Variants in STAG1 observed in about 807,000 individuals in gnomAD.
STAG1 encodes the protein STAG1 cohesin complex component, also known as cohesin subunit SA-1.
Under a neutral mutation model 170.9 loss-of-function variants are expected in STAG1, and 26 were observed. That is an observed-to-expected ratio of 0.15 (90% CI 0.11 to 0.21). The LOEUF (loss-of-function observed/expected upper bound fraction) is 0.21, where lower values mean the gene tolerates loss of function less well. Among genes scored for constraint, STAG1 ranks in the 10% least tolerant of loss-of-function variants. The pLI is 1.00. For missense variants in STAG1, 964 were observed against 1,509.5 expected (o/e 0.64, Z 5.99); for synonymous variants, 514 against 497.7 (o/e 1.03, Z -0.44).
chr3:136,434,151 A>G (rs2088388904), intron 15 of STAG1, among the ~76,000 whole-genome samples: 1 of 152,152 alleles, frequency 6.6e-6, no homozygotes, highest in Non-Finnish European at 1.5e-5. Context: ...GACACTGAAC[A>G]ATGCTTCAAT....
At chr3:136,589,396 T>C (rs1938028601) in intron 4 of STAG1, among the ~76,000 whole-genome samples, 1 of 151,892 alleles carries the variant, frequency 6.6e-6, no homozygotes, top group South Asian at 2.1e-4. Context: ...TCCCAGCTAC[T>C]TGGGAGGCTA....
intron 1 of STAG1, among the ~76,000 whole-genome samples, chr3:136,715,470 A>C (rs1943515661): frequency 6.6e-6 from 1 of 151,976 alleles, no homozygotes; most frequent in Non-Finnish European, 1.5e-5. Context: ...AATACAAAAA[A>C]TTAGCCAGGC....
At chr3:136,442,153 G>A (rs567645691) in intron 15 of STAG1, among the ~76,000 whole-genome samples, 1 of 152,298 alleles carries the variant, frequency 6.6e-6, no homozygotes, top group Non-Finnish European at 1.5e-5. Context: ...AGCTGAGAAT[G>A]CGCCACTGCA....
chr3:136,460,844 C>T (rs2089253994), intron 13 of STAG1, among the ~76,000 whole-genome samples: 1 of 152,056 alleles, frequency 6.6e-6, no homozygotes, highest in Non-Finnish European at 1.5e-5. Flanking sequence ...CACCCTGATG[C>T]CAAAACCAGA....
chr3:136,474,717 G>T (rs533481787), intron 10 of STAG1, among the ~76,000 whole-genome samples: 3 of 152,208 alleles, frequency 2.0e-5, no homozygotes, highest in Non-Finnish European at 2.9e-5. Context: ...GCACACAAGC[G>T]AAAGCTGAAG....
chr3:136,595,783 T>C (rs1161618438), intron 4 of STAG1, among the ~76,000 whole-genome samples: 3 of 150,880 alleles, frequency 2.0e-5, no homozygotes, highest in Non-Finnish European at 4.4e-5. Flanking sequence ...AAGCCTTTGG[T>C]CTGATTCCAG....
At position 136,422,544 on chromosome 3, in the gene STAG1, C is replaced by A; in HGVS notation, c.1903G>T (p.Ala635Ser). Residue 635 changes from alanine to serine, a missense_variant, in exon 19 of 34, where the codon GCC becomes TCC. This residue lies in a region of STAG1 where 232 missense variants were observed against 313.0 expected (regional missense o/e 0.74). Transcript: ENST00000383202. The part of the protein sequence containing the change: ...EKHVESDVLE[A>S]CSKTYSILCS... ...AAGATACTATAGGTTTTACTGCAGGCTTCTAGAACATCTGATTCTACGTGT... is the reference window on the plus strand; with the variant it reads ...AAGATACTATAGGTTTTACTGCAGGATTCTAGAACATCTGATTCTACGTGT... The A allele has an allele frequency of 6.2e-7, 1 of 1,613,998 alleles. No homozygotes were observed. The highest frequency in any genetic ancestry group is 8.5e-7 in the Non-Finnish European group (1 of 1,179,964).
intron 22 of STAG1, among the ~76,000 whole-genome samples, chr3:136,398,049 C>A (rs901570340): frequency 6.6e-6 from 1 of 151,594 alleles, no homozygotes; most frequent in Non-Finnish European, 1.5e-5. Context: ...TGGGTTCAAG[C>A]GATTCTCCTG....
intron 15 of STAG1, among the ~76,000 whole-genome samples, chr3:136,439,394 A>G (rs1418582753): frequency 2.2e-5 from 2 of 90,666 alleles, no homozygotes; most frequent in Admixed American, 2.0e-4. Flanking sequence ...CCCCCGACAC[A>G]CACACACACA....
At chr3:136,501,379 G>A (rs923665258) in intron 8 of STAG1, among the ~76,000 whole-genome samples, 5 of 152,176 alleles carry the variant, frequency 3.3e-5, no homozygotes, top group Non-Finnish European at 7.4e-5. Flanking sequence ...GACTGTGGCA[G>A]ATTTAATTCA....
intron 21 of STAG1, among the ~76,000 whole-genome samples, chr3:136,416,276 G>C (rs1275928922): frequency 6.6e-6 from 1 of 152,158 alleles, no homozygotes; most frequent in African/African-American, 2.4e-5. Context: ...AAAGTGCTGG[G>C]ATTACAGGTG....
chr3:136,657,177 G>GTTTCTTTC (rs1408750234), intron 1 of STAG1, among the ~76,000 whole-genome samples: 1 of 116,030 alleles, frequency 8.6e-6, no homozygotes, highest in African/African-American at 3.5e-5. Context: ...TCTCCTACAC[G>GTTTCTTTC]TTTCTTTCTT....
chr3:136,554,786 T>C (rs1272584569), intron 5 of STAG1, among the ~76,000 whole-genome samples: 2 of 152,042 alleles, frequency 1.3e-5, no homozygotes, highest in Non-Finnish European at 2.9e-5. Flanking sequence ...TCCCAGCTAC[T>C]TGGGAAGCTG....
intron 22 of STAG1, among the ~76,000 whole-genome samples, chr3:136,381,329 G>C (rs887041071): frequency 6.6e-6 from 1 of 152,076 alleles, no homozygotes. Context: ...ACAAAGAAGA[G>C]CTTATGAAGA....
chr3:136,569,252 A>C (rs1291106301), intron 4 of STAG1, among the ~76,000 whole-genome samples: 5 of 152,084 alleles, frequency 3.3e-5, no homozygotes, highest in African/African-American at 1.2e-4. Context: ...GCATAAAAAG[A>C]ATGCAAATAA....
chr3:136,399,836 C>T (rs1411250946), intron 21 of STAG1, among the ~76,000 whole-genome samples: 1 of 152,034 alleles, frequency 6.6e-6, no homozygotes, highest in Non-Finnish European at 1.5e-5. Flanking sequence ...ATATTAGAAA[C>T]TAAAACTAAG....
rs144592175 is a variant in STAG1 at position 136,502,275 on chromosome 3, C to A, written c.828+353G>T. 8.2e-4 allele frequency among the ~76,000 whole-genome samples: 125 copies of A among 151,796 alleles called. 1 individual carries two copies. The South Asian group carries it at 0.013, about 16-fold the overall frequency. ...TTATTCATAGGAGTGCCTTATATAC[C>A]AGCTAGTATGTAGCCTTTAGCTTTT... On this transcript the variant is annotated intron_variant, in intron 8 of 33. Coordinates refer to ENST00000383202, the MANE Select transcript of STAG1 (RefSeq NM_005862.3).
chr3:136,628,055 T>TC (rs1370234437), intron 2 of STAG1, among the ~76,000 whole-genome samples: 1 of 152,146 alleles, frequency 6.6e-6, no homozygotes, highest in African/African-American at 2.4e-5. Flanking sequence ...CGAACTGTAA[T>TC]CCCCACCTGT....
intron 22 of STAG1, among the ~76,000 whole-genome samples, chr3:136,394,350 C>T (rs894457060): frequency 2.0e-5 from 3 of 152,170 alleles, no homozygotes; most frequent in Non-Finnish European, 4.4e-5. Flanking sequence ...AAACTACCAA[C>T]AACTTCAAAA....
Sources: allele counts gnomAD v4.1 joint callset (sites outside exome capture counted in the v4.1 genomes callset), GRCh38; gene constraint gnomAD v4.1.1; regional missense constraint gnomAD v4.1.1; transcripts MANE v1.5; gene names NCBI Gene and HGNC (gene_info 2026-07-23, HGNC 2026-07-21).